The following DNAI4 variants were observed in gnomAD, a reference collection of about 807,000 sequenced individuals.
DNAI4 encodes dynein axonemal intermediate chain 4, also known as WD repeat domain 78.
In DNAI4, 85 loss-of-function variants were observed where a neutral mutation model predicts 105.8. That is an observed-to-expected ratio of 0.80 (90% CI 0.67 to 0.96). The LOEUF is 0.96. Among genes scored for constraint, DNAI4 ranks in the 40% least tolerant of loss-of-function variants. The pLI is 0.00. For synonymous variants in DNAI4, 352 were observed against 331.5 expected (o/e 1.06, Z -0.67); for missense variants, 1,014 against 1,005.6 (o/e 1.01, Z -0.11).
At chr1:66,851,179 A>T (rs572101814) in intron 7 of DNAI4, among the ~76,000 whole-genome samples, 1 of 151,998 alleles carries the variant, frequency 6.6e-6, no homozygotes, top group South Asian at 2.1e-4. Context: ...ACATTAACCA[A>T]AAGAAAGCAG....
At chr1:66,893,034 G>GAGAGAGAAAGAAAGAAA (rs1553227588) in intron 3 of DNAI4, among the ~76,000 whole-genome samples, 195 bp downstream of exon 3, 4 of 91,178 alleles carry the variant, frequency 4.4e-5, no homozygotes, top group African/African-American at 1.4e-4. Context: ...AAGAAAGAGA[G>GAGAGAGAAAGAAAGAAA]GAAAGAAAGA....
intron 2 of DNAI4, among the ~76,000 whole-genome samples, chr1:66,903,293 A>G (rs1648975344): frequency 1.3e-5 from 2 of 152,042 alleles, no homozygotes; most frequent in South Asian, 4.1e-4. Flanking sequence ...ATTATTTTTG[A>G]TGCTATTGTA....
rs1557965383 is a variant in DNAI4, at chr1:66,893,067, A to AAAAG, written c.530+161_530+162insCTTT. ...AGAAAGAAAGAAAGAGAGAGAGAGA[A>AAAAG]AGAAAGAAAGAAAGAAAGAAAGAAA... On this transcript the variant is annotated intron_variant, in intron 3 of 16. Coordinates refer to ENST00000371026, the MANE Select transcript of DNAI4 (RefSeq NM_024763.5). Among the ~76,000 whole-genome samples, 473 of 94,584 alleles carry AAAAG rather than the reference A, an allele frequency of 5.0e-3. 14 individuals carry two copies. The highest frequency in any genetic ancestry group is 6.6e-3 in the Non-Finnish European group (284 of 43,060). 62.1% of individuals were successfully genotyped at this position (94,584 alleles called of 152,430 possible). A position where few individuals can be genotyped will look rare whatever the true frequency, so the allele number is the denominator to read the frequency against.
chr1:66,905,188 C>T lies in DNAI4; in HGVS notation c.345+13G>A. ...GCCATTTTCAAATAAACTCAGAATT[C>T]TAAGAATATTACCTGTGTTGTCTTT... On this transcript the variant is annotated intron_variant, in intron 2 of 16. Coordinates refer to ENST00000371026, the MANE Select transcript of DNAI4 (RefSeq NM_024763.5). The T allele has an allele frequency of 6.8e-7, 1 of 1,464,228 alleles. No homozygotes were observed. The highest frequency in any genetic ancestry group is 9.2e-7 in the Non-Finnish European group (1 of 1,091,604). 90.7% of individuals were successfully genotyped at this position (1,464,228 alleles called of 1,614,324 possible). A position where few individuals can be genotyped will look rare whatever the true frequency, so the allele number is the denominator to read the frequency against.
intron 3 of DNAI4, among the ~76,000 whole-genome samples, 177 bp downstream of exon 3, chr1:66,893,052 A>AG (rs1647895390): frequency 2.4e-5 from 3 of 125,832 alleles, no homozygotes; most frequent in African/African-American, 1.1e-4. Context: ...AGAAAGAAAG[A>AG]AAGAGAGAGA....
intron 7 of DNAI4, among the ~76,000 whole-genome samples, 189 bp downstream of exon 7, chr1:66,861,958 T>C (rs1646635558): frequency 6.6e-6 from 1 of 152,160 alleles, no homozygotes; most frequent in Non-Finnish European, 1.5e-5. Flanking sequence ...TCTTGACAGA[T>C]ATCCAAGAAA....
intron 2 of DNAI4, among the ~76,000 whole-genome samples, chr1:66,899,522 T>C (rs1648627395): frequency 6.6e-6 from 1 of 152,220 alleles, no homozygotes; most frequent in South Asian, 2.1e-4. Context: ...TTTCTATTTC[T>C]GTGGGTTATC....
chr1:66,836,316 GAAAGAAA>G lies in DNAI4; in HGVS notation c.1582-546_1582-540del, dbSNP rs1557909209. ...AGAAAGAAAGAAAGAAAGAAAGAAA[GAAAGAAA>G]GAAGGAAAGAGGGAAGGAAGGGAGG... On this transcript the variant is annotated intron_variant, in intron 10 of 16. Transcript: ENST00000371026. Among the ~76,000 whole-genome samples, 927 of 144,260 alleles carry G rather than the reference GAAAGAAA, an allele frequency of 6.4e-3. 9 individuals carry two copies. Among genetic ancestry groups the G allele is most frequent in the Middle Eastern group, 0.028 (8 of 284 alleles). The allele number at this position is 144,260 out of a possible 152,430, so 94.6% of individuals were successfully genotyped here. A position where few individuals can be genotyped will look rare whatever the true frequency, so the allele number is the denominator to read the frequency against.
intron 11 of DNAI4, among the ~76,000 whole-genome samples, chr1:66,835,053 A>C (rs1645950831): frequency 6.6e-6 from 1 of 152,132 alleles, no homozygotes; most frequent in Non-Finnish European, 1.5e-5. Context: ...GGCTTTCCTC[A>C]TATGACTCAT....
rs747727612 is a variant in DNAI4 at position 66,905,204 on chromosome 1, T to C, written c.342A>G (p.Thr114=). The C allele has an allele frequency of 2.0e-6, 3 of 1,504,126 alleles. No individual in the cohort carries two copies. Among genetic ancestry groups the C allele is most frequent in the South Asian group, 2.8e-5 (2 of 72,712 alleles). 93.2% of individuals were successfully genotyped at this position (1,504,126 alleles called of 1,614,324 possible). ...VEKPNPNIKT[T]QVFDINGTDV... ...CTCAGAATTCTAAGAATATTACCTG[T>C]GTTGTCTTTATATTGGGATTTGGTT... is the stretch of plus-strand genomic sequence containing the variant. The change falls in exon 2 of 17, where the codon ACA becomes ACG. Residue 114 remains threonine (T), a synonymous_variant. Coordinates refer to ENST00000371026, the MANE Select transcript of DNAI4 (RefSeq NM_024763.5).
chr1:66,826,112 G>A (rs925874094), intron 15 of DNAI4, among the ~76,000 whole-genome samples: 2 of 152,214 alleles, frequency 1.3e-5, no homozygotes, highest in East Asian at 1.9e-4. Flanking sequence ...CAAGGTAAGA[G>A]CATAAGTAAA....
At chr1:66,867,894 A>T (rs542547590) in intron 6 of DNAI4, among the ~76,000 whole-genome samples, 82 of 152,344 alleles carry the variant, frequency 5.4e-4, no homozygotes, top group African/African-American at 1.9e-3. Flanking sequence ...TATTTAATAG[A>T]TCACAGCAAT....
At chr1:66,855,186 C>T (rs1646474937) in intron 7 of DNAI4, among the ~76,000 whole-genome samples, 1 of 152,208 alleles carries the variant, frequency 6.6e-6, no homozygotes, top group Non-Finnish European at 1.5e-5. Flanking sequence ...AACCCCAGAA[C>T]CCACTGAAAT....
chr1:66,818,528 T>C (rs1645562787), intron 16 of DNAI4, among the ~76,000 whole-genome samples: 1 of 152,216 alleles, frequency 6.6e-6, no homozygotes, highest in Non-Finnish European at 1.5e-5. Flanking sequence ...GTTCGTTTTT[T>C]GTAAATCTTA....
intron 13 of DNAI4, 62 bp downstream of exon 13, chr1:66,833,521 CTT>C (rs1201166870): frequency 6.3e-7 from 1 of 1,581,350 alleles, no homozygotes; most frequent in African/African-American, 1.4e-5. Context: ...TGTTTTATGA[CTT>C]AATACACTTC....
At chr1:66,854,631 G>A (rs115435478) in intron 7 of DNAI4, among the ~76,000 whole-genome samples, 34 of 151,940 alleles carry the variant, frequency 2.2e-4, no homozygotes, top group South Asian at 6.2e-4. Flanking sequence ...GTGAAACCCC[G>A]TCACTATTAA....
intron 10 of DNAI4, among the ~76,000 whole-genome samples, chr1:66,837,417 A>AT (rs1197873899): frequency 6.6e-6 from 1 of 151,222 alleles, no homozygotes; most frequent in Non-Finnish European, 1.5e-5. Context: ...TTTAAGATTC[A>AT]TTTTTTCTTT....
intron 7 of DNAI4, among the ~76,000 whole-genome samples, chr1:66,859,211 C>T (rs1244716998): frequency 6.6e-6 from 1 of 152,068 alleles, no homozygotes; most frequent in Non-Finnish European, 1.5e-5. Context: ...TAAAGATGCT[C>T]AATATCACAT....
rs112492398 is a variant in DNAI4 at position 66,890,368 on chromosome 1, A to G, written c.643+786T>C. The G allele has an allele frequency of 0.15, 22,320 of 152,638 alleles. 1,858 individuals are homozygous for G. Among genetic ancestry groups the G allele is most frequent in the African/African-American group, 0.23 (9,337 of 41,450 alleles). The allele number at this position is 152,638 out of a possible 1,614,324, so 9.5% of individuals were successfully genotyped here. A position where few individuals can be genotyped will look rare whatever the true frequency, so the allele number is the denominator to read the frequency against. On this transcript the variant is annotated intron_variant, in intron 4 of 16. Transcript: ENST00000371026. This position sits in a 1 kb window ranked among gnomAD's most constrained non-coding sequence, Gnocchi z 4.1. The stretch of plus-strand genomic sequence containing the variant: ...TCCCAGCACTTTGGGAGGCTGAGGC[A>G]GGCAAATCATTTGAGGTCAGAAGTT...
Sources: allele counts gnomAD v4.1 joint callset (sites outside exome capture counted in the v4.1 genomes callset), GRCh38; gene constraint gnomAD v4.1.1; non-coding constraint Gnocchi (gnomAD v3.1); transcripts MANE v1.5; gene names NCBI Gene and HGNC (gene_info 2026-07-23, HGNC 2026-07-21).